Variants in SNTG2 observed in about 807,000 individuals in gnomAD.
The protein encoded by SNTG2 is syntrophin gamma 2, also known as gamma-2-syntrophin.
A neutral mutation model predicts 70.9 loss-of-function variants in SNTG2; 74 were observed. The ratio of observed to expected loss-of-function variants is 1.04; its 90% confidence interval spans 0.86 to 1.27. The LOEUF (loss-of-function observed/expected upper bound fraction) is 1.27. Among genes scored for constraint, SNTG2 ranks in the 50% most tolerant of loss-of-function variants. The pLI is 0.00. For synonymous variants in SNTG2, 278 were observed against 273.8 expected, an observed-to-expected ratio of 1.02 and a Z score of -0.15; for missense variants, 717 against 690.7, an observed-to-expected ratio of 1.04 and a Z score of -0.43.
At chr2:1,219,601 A>C (rs1674618134) in intron 9 of SNTG2, among the ~76,000 whole-genome samples, 1 of 151,642 alleles carries the variant, frequency 6.6e-6, no homozygotes, top group African/African-American at 2.4e-5. Flanking sequence ...AGCCCTGTCC[A>C]TGCCTCTTGT....
At chr2:1,171,456 C>T (rs899703615) in intron 7 of SNTG2, among the ~76,000 whole-genome samples, 2 of 152,068 alleles carry the variant, frequency 1.3e-5, no homozygotes, top group East Asian at 1.9e-4. Flanking sequence ...AAGGTGATTA[C>T]GGGTATAAAA....
intron 2 of SNTG2, among the ~76,000 whole-genome samples, chr2:1,090,961 G>T (rs1019911987): frequency 6.6e-6 from 1 of 152,124 alleles, no homozygotes; most frequent in African/African-American, 2.4e-5. Context: ...CCTTTTCCTG[G>T]TACTGGCTGT....
chr2:1,359,794 G>C (rs1661042323), intron 16 of SNTG2, among the ~76,000 whole-genome samples: 1 of 152,088 alleles, frequency 6.6e-6, no homozygotes, highest in Non-Finnish European at 1.5e-5. Context: ...TAAACCCACT[G>C]CCATTTTTGG....
intron 7 of SNTG2, among the ~76,000 whole-genome samples, chr2:1,166,471 C>T (rs1006436431): frequency 1.3e-5 from 2 of 152,220 alleles, no homozygotes; most frequent in African/African-American, 4.8e-5. Context: ...TTTACTTTCT[C>T]TCTCTCTTCC....
chr2:1,203,445 G>T (rs1413070344), intron 8 of SNTG2, among the ~76,000 whole-genome samples: 4 of 151,422 alleles, frequency 2.6e-5, no homozygotes, highest in African/African-American at 9.7e-5. Flanking sequence ...GTCACTTGAG[G>T]CCAGGAGTTT....
At chr2:1,268,430 C>T (rs1488352780) in intron 14 of SNTG2, among the ~76,000 whole-genome samples, 1 of 152,164 alleles carries the variant, frequency 6.6e-6, no homozygotes, top group Non-Finnish European at 1.5e-5. Context: ...CATCACAGAG[C>T]ACGAAGCTTC....
At chr2:1,084,075 C>T (rs539355761) in intron 2 of SNTG2, among the ~76,000 whole-genome samples, 65 of 152,200 alleles carry the variant, frequency 4.3e-4, no homozygotes, top group African/African-American at 1.5e-3. Flanking sequence ...AGAAATACCC[C>T]CAAAAGCCAC....
chr2:1,011,288 A>G (rs1659722748), intron 1 of SNTG2, among the ~76,000 whole-genome samples: 1 of 152,210 alleles, frequency 6.6e-6, no homozygotes, highest in African/African-American at 2.4e-5. Context: ...TGCTAGGTCC[A>G]ATTTCTGGTT....
chr2:1,105,239 C>T (rs1334917447), intron 4 of SNTG2, among the ~76,000 whole-genome samples: 3 of 152,052 alleles, frequency 2.0e-5, no homozygotes, highest in African/African-American at 7.3e-5. Flanking sequence ...GTGGGGTGGC[C>T]CCACTTGCAT....
intron 1 of SNTG2, among the ~76,000 whole-genome samples, chr2:1,028,547 C>T (rs552014972): frequency 6.6e-6 from 1 of 152,292 alleles, no homozygotes; most frequent in South Asian, 2.1e-4. Flanking sequence ...GTGTCAGTCA[C>T]TTACAATGTC....
chr2:1,294,382 C>T (rs988360188), intron 14 of SNTG2, among the ~76,000 whole-genome samples: 1 of 152,198 alleles, frequency 6.6e-6, no homozygotes, highest in African/African-American at 2.4e-5. Flanking sequence ...TCTCTCTAAA[C>T]ATGGTACATT....
At chr2:1,254,573 G>A (rs988307195) in intron 12 of SNTG2, among the ~76,000 whole-genome samples, 2 of 152,092 alleles carry the variant, frequency 1.3e-5, no homozygotes, top group African/African-American at 4.8e-5. Flanking sequence ...ATATTACTTG[G>A]AAAAAATAAT....
At chr2:1,251,409 G>A (rs116401368) in intron 12 of SNTG2, among the ~76,000 whole-genome samples, 1 of 151,412 alleles carries the variant, frequency 6.6e-6, no homozygotes, top group South Asian at 2.1e-4. Context: ...AGCTCACATA[G>A]ACCCACACAC....
intron 1 of SNTG2, among the ~76,000 whole-genome samples, chr2:970,909 C>T (rs1418649214): frequency 6.6e-6 from 1 of 152,166 alleles, no homozygotes; most frequent in Non-Finnish European, 1.5e-5. Flanking sequence ...TGCTCACCAT[C>T]ACTGGCCATC....
intron 14 of SNTG2, among the ~76,000 whole-genome samples, chr2:1,282,929 A>G (rs1398610729): frequency 6.6e-6 from 1 of 152,346 alleles, no homozygotes; most frequent in African/African-American, 2.4e-5. Context: ...GAACCTGCAC[A>G]TCTATTTTCT....
intron 1 of SNTG2, among the ~76,000 whole-genome samples, chr2:1,045,581 T>A (rs1292090145): frequency 1.3e-5 from 2 of 152,178 alleles, no homozygotes; most frequent in African/African-American, 4.8e-5. Context: ...TGTTATATCT[T>A]AGTTTTCATT....
intron 1 of SNTG2, among the ~76,000 whole-genome samples, chr2:1,053,385 T>A (rs1212735800): frequency 6.6e-6 from 1 of 152,192 alleles, no homozygotes; most frequent in South Asian, 2.1e-4. Context: ...TAATAACATA[T>A]AATTTTGTTG....
chr2:1,043,416 G>C (rs945352729), intron 1 of SNTG2, among the ~76,000 whole-genome samples: 9 of 152,140 alleles, frequency 5.9e-5, no homozygotes, highest in African/African-American at 2.2e-4. Flanking sequence ...ACACTCTTTA[G>C]CTTAATTAGG....
At chr2:1,129,514 T>C (rs981829421) in intron 4 of SNTG2, among the ~76,000 whole-genome samples, 2 of 152,234 alleles carry the variant, frequency 1.3e-5, no homozygotes, top group Non-Finnish European at 2.9e-5. Flanking sequence ...GGTTGTCTCA[T>C]CTGAGACAAA....
Sources: gnomAD v4.1 joint callset for allele counts (sites outside exome capture counted in the v4.1 genomes callset) on GRCh38, gnomAD v4.1.1 for gene constraint, MANE v1.5 for transcripts, NCBI Gene and HGNC (gene_info 2026-07-23, HGNC 2026-07-21) for gene names.